Variants in PRR16 observed in about 807,000 individuals in gnomAD.
The protein encoded by PRR16 is proline rich 16, also known as protein Largen.
In PRR16, 6 loss-of-function variants were observed where a neutral mutation model predicts 18.2. The ratio of observed to expected loss-of-function variants is 0.33; its 90% CI spans 0.18 to 0.65. The LOEUF (loss-of-function observed/expected upper bound fraction) is 0.65, where lower values mean the gene tolerates loss of function less well. PRR16 is among the 30% of genes least tolerant of loss of function. The probability of loss-of-function intolerance (pLI) is 0.74; values close to 1 mark genes in which losing one functional copy is unlikely to be tolerated. For synonymous variants in PRR16, 151 were observed against 147.8 expected, an observed-to-expected ratio of 1.02 and a Z score of -0.16; for missense variants, 412 against 376.6, an observed-to-expected ratio of 1.09 and a Z score of -0.78.
the PRR16 span, among the ~76,000 whole-genome samples, chr5:120,765,894 C>G: frequency 2.0e-5 from 3 of 151,848 alleles, no homozygotes; most frequent in Non-Finnish European, 4.4e-5. Flanking sequence ...TTTGAGTGAT[C>G]CTGTGTTTAC....
intron 1 of PRR16, among the ~76,000 whole-genome samples, chr5:120,623,908 TATA>T (rs960229809): frequency 9.2e-5 from 14 of 151,894 alleles, no homozygotes; most frequent in Admixed American, 7.9e-4. Flanking sequence ...CTACATAATA[TATA>T]ATAATATATT....
chr5:120,630,414 T>C (rs997888019), intron 1 of PRR16, among the ~76,000 whole-genome samples: 21 of 152,150 alleles, frequency 1.4e-4, no homozygotes, highest in African/African-American at 3.9e-4. Flanking sequence ...AAGGTCATCC[T>C]AAGCTTTGAA....
intron 1 of PRR16, among the ~76,000 whole-genome samples, chr5:120,486,203 T>C (rs1749794165): frequency 6.6e-6 from 1 of 152,248 alleles, no homozygotes; most frequent in Non-Finnish European, 1.5e-5. Context: ...GTTCTAGTTC[T>C]AGATCCCTGA....
At position 120,474,589 on chromosome 5, in the gene PRR16, C is replaced by CTTTTT. The variant is rs151199683; in HGVS notation, c.159+9948_159+9952dup. On this transcript the variant is annotated intron_variant, in intron 1 of 1. Transcript: ENST00000407149. ...CTCTTTTGTGTCTTGTATTTGCTAT[C>CTTTTT]TTTTTTTTAAAAAAAAAACCCATTA... 4.6e-4 allele frequency among the ~76,000 whole-genome samples: 69 copies of CTTTTT among 150,272 alleles called. 1 individual carries two copies. The highest frequency in any genetic ancestry group is 9.6e-4 in the African/African-American group (39 of 40,830).
intron 1 of PRR16, among the ~76,000 whole-genome samples, chr5:120,623,908 T>C (rs1754776564): frequency 6.6e-6 from 1 of 151,894 alleles, no homozygotes; most frequent in Non-Finnish European, 1.5e-5. Flanking sequence ...CTACATAATA[T>C]ATAATAATAT....
Position 120,685,942 on chromosome 5 carries a change from C to G in PRR16, c.160-12C>G. The G allele has an allele frequency of 1.2e-6, 2 of 1,605,500 alleles. No individual in the cohort carries two copies. Among genetic ancestry groups the G allele is most frequent in the Non-Finnish European group, 1.7e-6 (2 of 1,175,198 alleles). ...TCATTCTTCAAAACAATTACCTTGT[C>G]CTTTCCACTAGGTGGTTGACCAGAT... On this transcript the variant is annotated splice_polypyrimidine_tract_variant and intron_variant, in intron 1 of 1. Transcript: ENST00000407149.
Position 120,686,278 on chromosome 5 carries a change from G to C in PRR16, c.484G>C (p.Gly162Arg). 6.2e-7 allele frequency: 1 copy of C among 1,614,070 alleles called. No individual in the cohort carries two copies. The highest frequency in any genetic ancestry group is 8.5e-7 in the Non-Finnish European group (1 of 1,180,018). ...TCTACGAAATGGAGGCTTACCAGGTGGACCTAACAAAATTCCAAATGGAGA... is the reference window on the plus strand; with the variant it reads ...TCTACGAAATGGAGGCTTACCAGGTCGACCTAACAAAATTCCAAATGGAGA... ...TLLRNGGLPG[G>R]PNKIPNGDIC... Residue 162 changes from glycine to arginine, a missense_variant, in exon 2 of 2, where the codon GGA becomes CGA. By Grantham distance (125) the Gly-to-Arg change is moderately radical (BLOSUM62 -2). Transcript: ENST00000407149.
chr5:120,726,636 G>T, the PRR16 span, among the ~76,000 whole-genome samples: 1 of 151,988 alleles, frequency 6.6e-6, no homozygotes. Context: ...AATATGATTT[G>T]ATAGTTAATA....
chr5:120,469,636 A>G (rs1196164701), intron 1 of PRR16, among the ~76,000 whole-genome samples: 1 of 151,920 alleles, frequency 6.6e-6, no homozygotes, highest in Non-Finnish European at 1.5e-5. Flanking sequence ...GGCTTGAAGT[A>G]TTTTCCAAGT....
At chr5:120,544,486 A>G (rs1157417570) in intron 1 of PRR16, among the ~76,000 whole-genome samples, 1 of 152,126 alleles carries the variant, frequency 6.6e-6, no homozygotes, top group African/African-American at 2.4e-5. Context: ...AAAACCTAGT[A>G]TATGCACACA....
At chr5:120,500,223 C>G (rs72788223) in intron 1 of PRR16, among the ~76,000 whole-genome samples, 1 of 152,110 alleles carries the variant, frequency 6.6e-6, no homozygotes, top group Non-Finnish European at 1.5e-5. Context: ...TTTTCTCAAG[C>G]CTTATGATAT....
chr5:120,603,902 C>A (rs910825909), intron 1 of PRR16, among the ~76,000 whole-genome samples: 2 of 151,478 alleles, frequency 1.3e-5, no homozygotes, highest in Non-Finnish European at 2.9e-5. Context: ...TTTTATTGTG[C>A]CGTAGTCTAA....
the PRR16 span, among the ~76,000 whole-genome samples, chr5:120,785,946 C>T: frequency 1.3e-5 from 2 of 150,684 alleles, no homozygotes; most frequent in Non-Finnish European, 1.5e-5. Flanking sequence ...TTTTATTCTT[C>T]CATGGCAATA....
chr5:120,682,855 A>G (rs1425609257), intron 1 of PRR16, among the ~76,000 whole-genome samples: 1 of 152,206 alleles, frequency 6.6e-6, no homozygotes, highest in African/African-American at 2.4e-5. Context: ...GCTTTTGCTC[A>G]CACTTAAACT....
chr5:120,640,391 A>T (rs1045233821), intron 1 of PRR16, among the ~76,000 whole-genome samples: 1 of 152,152 alleles, frequency 6.6e-6, no homozygotes, highest in Non-Finnish European at 1.5e-5. Context: ...TTTATATTCA[A>T]TGCATTAACA....
At chr5:120,731,139 C>T in the PRR16 span, among the ~76,000 whole-genome samples, 1 of 152,102 alleles carries the variant, frequency 6.6e-6, no homozygotes, top group Non-Finnish European at 1.5e-5. Context: ...CAACAGATCT[C>T]AGAATCTAAC....
At chr5:120,590,433 T>C (rs543785281) in intron 1 of PRR16, among the ~76,000 whole-genome samples, 1 of 152,286 alleles carries the variant, frequency 6.6e-6, no homozygotes, top group East Asian at 1.9e-4. Flanking sequence ...TAAGAATTTC[T>C]TAATAAATAT....
intron 1 of PRR16, among the ~76,000 whole-genome samples, chr5:120,503,800 C>T (rs1340031488): frequency 2.7e-5 from 4 of 148,974 alleles, no homozygotes; most frequent in Non-Finnish European, 5.9e-5. Flanking sequence ...TCCCCCCACC[C>T]CACAACAGTC....
intron 1 of PRR16, among the ~76,000 whole-genome samples, chr5:120,496,838 G>A (rs993565403): frequency 6.6e-6 from 1 of 151,912 alleles, no homozygotes; most frequent in African/African-American, 2.4e-5. Flanking sequence ...TAAGTGTGCA[G>A]TGCTACACAT....
Sources: gnomAD v4.1 joint callset for allele counts (sites outside exome capture counted in the v4.1 genomes callset) on GRCh38, gnomAD v4.1.1 for gene constraint, MANE v1.5 for transcripts, NCBI Gene and HGNC (gene_info 2026-07-23, HGNC 2026-07-21) for gene names.